The following TAMM41 variants were observed in gnomAD, a reference collection of about 807,000 sequenced individuals.
TAMM41 encodes the protein phosphatidate cytidylyltransferase, mitochondrial.
TAMM41 carries 36 observed loss-of-function variants against 44.1 expected under a neutral mutation model. The ratio of observed to expected loss-of-function variants is 0.82; its 90% CI spans 0.63 to 1.08. TAMM41 has a LOEUF of 1.08. TAMM41 is among the 50% of genes least tolerant of loss of function. The pLI is 0.00. For synonymous variants in TAMM41, 164 were observed against 153.1 expected, an observed-to-expected ratio of 1.07 and a Z score of -0.53; for missense variants, 417 against 404.3, an observed-to-expected ratio of 1.03 and a Z score of -0.27.
the TAMM41 span, among the ~76,000 whole-genome samples, chr3:11,737,208 C>T: frequency 6.6e-6 from 1 of 151,954 alleles, no homozygotes; most frequent in African/African-American, 2.4e-5. Context: ...AGAACCCTGG[C>T]TTAATCTTAA....
the TAMM41 span, among the ~76,000 whole-genome samples, chr3:11,744,321 G>A: frequency 6.6e-6 from 1 of 152,026 alleles, no homozygotes; most frequent in South Asian, 2.1e-4. Flanking sequence ...ACCCATCTCG[G>A]CCTCCCAAAG....
intron 3 of TAMM41, among the ~76,000 whole-genome samples, chr3:11,831,034 A>C (rs1302968863): frequency 6.6e-6 from 1 of 152,170 alleles, no homozygotes; most frequent in Admixed American, 6.5e-5. Flanking sequence ...AAATGGAGTA[A>C]ATAACAGAAT....
At chr3:11,841,694 A>G (rs1017714991) in intron 2 of TAMM41, among the ~76,000 whole-genome samples, 2 of 152,198 alleles carry the variant, frequency 1.3e-5, no homozygotes, top group Non-Finnish European at 2.9e-5. Context: ...GCATGACTCA[A>G]GTGGATGCAG....
In TAMM41 at chr3:11,813,433, G is replaced by A. The variant is rs571018404; in HGVS notation, c.709-3751C>T. Among the ~76,000 whole-genome samples, 8 of 152,286 alleles carry A rather than the reference G, an allele frequency of 5.3e-5. No homozygotes were observed. The East Asian group carries it at 1.3e-3, about 26-fold the overall frequency. On this transcript the variant is annotated intron_variant, in intron 5 of 7. Coordinates refer to ENST00000455809, the MANE Select transcript of TAMM41 (RefSeq NM_001284401.2). Reference sequence around the variant, plus strand: ...TAGTTCCAGCTATTTGGGAGGCTGAGGCACAAGAATCGCTTGAACTTGGGA... The same window carrying A: ...TAGTTCCAGCTATTTGGGAGGCTGAAGCACAAGAATCGCTTGAACTTGGGA...
intron 4 of TAMM41, among the ~76,000 whole-genome samples, chr3:11,817,940 G>A (rs1240173166): frequency 1.3e-5 from 2 of 152,222 alleles, no homozygotes; most frequent in African/African-American, 4.8e-5. Flanking sequence ...CCTATGGGAT[G>A]AATTGAGCTG....
Position 11,809,522 on chromosome 3 carries a change from C to G in TAMM41, c.869G>C (p.Arg290Pro). ...AHDPDCGDVV[R>P]LGLSAIVRPS... is the part of the protein sequence containing the mutation. ...CATCAAATTCATAAACGTACCTAGT[C>G]GCACCACATCTCCACAGTCGGGATC... The change falls in exon 6 of 8, where the codon CGA (arginine) becomes CCA (proline). Residue 290 changes from arginine to proline, a missense_variant. By Grantham distance (103) the Arg-to-Pro change is moderately radical. Coordinates refer to ENST00000455809, the MANE Select transcript of TAMM41 (RefSeq NM_001284401.2). The G allele has an allele frequency of 6.2e-7, 1 of 1,613,668 alleles. No individual in the cohort carries two copies. Among genetic ancestry groups the G allele is most frequent in the Non-Finnish European group, 8.5e-7 (1 of 1,179,960 alleles).
chr3:11,830,408 T>G (rs1478959246), intron 3 of TAMM41, among the ~76,000 whole-genome samples: 13 of 152,182 alleles, frequency 8.5e-5, no homozygotes, highest in Admixed American at 8.5e-4. Context: ...TCCAGGTACT[T>G]ACTAGCTATG....
rs370631633 is a variant in TAMM41 at position 11,790,588 on chromosome 3, G to C, written c.938-7C>G. ...ATCACTGACTTCTTCAGGCCTAAAA[G>C]AGAAAAGATGAGAAAGTAAGAAGAT... On this transcript the variant is annotated splice_polypyrimidine_tract_variant and splice_region_variant and intron_variant, in intron 7 of 7. Transcript: ENST00000455809. The C allele has an allele frequency of 1.2e-6, 2 of 1,608,406 alleles. No homozygotes were observed. The highest frequency in any genetic ancestry group is 1.7e-5 in the Admixed American group (1 of 59,366).
the TAMM41 span, among the ~76,000 whole-genome samples, chr3:11,724,518 C>G: frequency 6.6e-6 from 1 of 152,072 alleles, no homozygotes; most frequent in Non-Finnish European, 1.5e-5. Flanking sequence ...TGGGTTCAAG[C>G]AATTCTCCTG....
At chr3:11,724,284 G>A in the TAMM41 span, among the ~76,000 whole-genome samples, 1 of 151,216 alleles carries the variant, frequency 6.6e-6, no homozygotes, top group Non-Finnish European at 1.5e-5. Flanking sequence ...TGTATTTTTA[G>A]TAGAGATGGG....
chr3:11,768,817 C>T, the TAMM41 span, among the ~76,000 whole-genome samples: 38 of 152,220 alleles, frequency 2.5e-4, no homozygotes, highest in Admixed American at 7.2e-4. Flanking sequence ...TCATTGCGGT[C>T]GCAGATGGTT....
At chr3:11,839,017 AG>A in intron 3 of TAMM41, among the ~76,000 whole-genome samples, 1 of 152,234 alleles carries the variant, frequency 6.6e-6, no homozygotes, top group Non-Finnish European at 1.5e-5. Flanking sequence ...CAGGAGCCCA[AG>A]GAAAAAAACC....
intron 7 of TAMM41, chr3:11,807,613 T>C: frequency 6.5e-7 from 1 of 1,536,182 alleles, no homozygotes; most frequent in Non-Finnish European, 8.7e-7. Flanking sequence ...AGAAGGGCAG[T>C]AAAGCTTCCA....
chr3:11,816,774 C>CAAA (rs1461345623), intron 5 of TAMM41, among the ~76,000 whole-genome samples: 1 of 149,484 alleles, frequency 6.7e-6, no homozygotes, highest in Non-Finnish European at 1.5e-5. Context: ...CCTGTCCCCC[C>CAAA]AAAAAAAGAA....
At chr3:11,826,763 G>C (rs1349209326) in intron 4 of TAMM41, 3 of 152,130 alleles carry the variant, frequency 2.0e-5, no homozygotes, top group African/African-American at 7.2e-5. Flanking sequence ...TACCAGATGA[G>C]TGACCTTAGA....
chr3:11,728,667 G>C, the TAMM41 span, among the ~76,000 whole-genome samples: 1 of 152,218 alleles, frequency 6.6e-6, no homozygotes. Context: ...TAGTCGAAGA[G>C]CTGTGATTGA....
At chr3:11,743,355 A>T in the TAMM41 span, among the ~76,000 whole-genome samples, 1 of 144,816 alleles carries the variant, frequency 6.9e-6, no homozygotes. Context: ...TTTTTTTAAG[A>T]GGAAGTCTCG....
chr3:11,739,092 G>A, the TAMM41 span, among the ~76,000 whole-genome samples: 1,573 of 152,232 alleles, frequency 0.01, 31 homozygotes, highest in African/African-American at 0.036. Flanking sequence ...TGTATGCAGG[G>A]CAGTTCCCTC....
At chr3:11,793,782 G>A (rs1396506390) in intron 7 of TAMM41, among the ~76,000 whole-genome samples, 2 of 152,172 alleles carry the variant, frequency 1.3e-5, no homozygotes, top group African/African-American at 4.8e-5. Context: ...GGCACTGGGA[G>A]TCAGGCTGGA....
Sources: gnomAD v4.1 joint callset for allele counts (sites outside exome capture counted in the v4.1 genomes callset) on GRCh38, gnomAD v4.1.1 for gene constraint, MANE v1.5 for transcripts, NCBI Gene and HGNC (gene_info 2026-07-23, HGNC 2026-07-21) for gene names.